The following TNC variants were observed in gnomAD, a reference collection of about 807,000 sequenced individuals.
TNC encodes the protein tenascin.
A neutral mutation model predicts 202.4 loss-of-function variants in TNC; 109 were observed. That is an observed-to-expected ratio of 0.54 (90% CI 0.46 to 0.63). The LOEUF (loss-of-function observed/expected upper bound fraction) is 0.63. Among genes scored for constraint, TNC ranks in the 30% least tolerant of loss-of-function variants. The probability of loss-of-function intolerance (pLI) is 0.00; values close to 1 mark genes in which losing one functional copy is unlikely to be tolerated. For synonymous variants in TNC, 1,007 were observed against 1,089.7 expected, an observed-to-expected ratio of 0.92 and a Z score of 1.50; for missense variants, 2,756 against 2,833.3, an observed-to-expected ratio of 0.97 and a Z score of 0.62.
rs145086096 is a variant in TNC, at chr9:115,086,389, G to A, written c.1342C>T (p.Arg448Cys). The A allele has an allele frequency of 9.3e-6, 15 of 1,613,976 alleles. No individual in the cohort carries two copies. The highest frequency in any genetic ancestry group is 1.1e-5 in the South Asian group (1 of 91,088). The change falls in exon 3 of 28, where the codon CGC becomes TGC. Residue 448 changes from arginine to cysteine, a missense_variant. Arg to Cys is a radical substitution (Grantham distance 180, BLOSUM62 -3). Around this residue, in one of 2 missense-constraint regions of TNC, gnomAD observed 2,559 missense variants for 2,546.0 expected, o/e 1.01. Transcript: ENST00000350763. Reference protein sequence around the residue: ...RCPNDCHSRGRCVEGKCVCEQ... With the variant: ...RCPNDCHSRGCCVEGKCVCEQ... ...CATACACATTTGCCCTCGACACAGC[G>A]GCCCCGACTGTGACAGTCATTGGGG...
At chr9:115,105,050 T>C (rs1377496704) in intron 1 of TNC, among the ~76,000 whole-genome samples, 1 of 152,202 alleles carries the variant, frequency 6.6e-6, no homozygotes, top group African/African-American at 2.4e-5. Flanking sequence ...GGAATCCTGC[T>C]TGAGTGGGAT....
chr9:115,070,327 G>T (rs992366291), intron 10 of TNC, among the ~76,000 whole-genome samples: 1 of 152,128 alleles, frequency 6.6e-6, no homozygotes, highest in South Asian at 2.1e-4. Context: ...GGAAAAGAGT[G>T]GTATCCAGGG....
Position 115,031,641 on chromosome 9 carries a change from G to A in TNC, c.5832C>T (p.Asp1944=). Residue 1944 remains aspartate, a synonymous_variant, in exon 23 of 28, where the codon GAC becomes GAT. Coordinates refer to ENST00000350763, the MANE Select transcript of TNC (RefSeq NM_002160.4). Reference sequence around the variant, plus strand: ...CTGTGTAGTGGGTGGATGGGCTCAGGTCTGCCAGGCTGTAGGAGGTGGTAT... The same window carrying A: ...CTGTGTAGTGGGTGGATGGGCTCAGATCTGCCAGGCTGTAGGAGGTGGTAT... ...GPDTTSYSLA[D]LSPSTHYTAK... 6.2e-7 allele frequency: 1 copy of A among 1,612,538 alleles called. No homozygotes were observed. Among genetic ancestry groups the A allele is most frequent in the Non-Finnish European group, 8.5e-7 (1 of 1,179,304 alleles).
chr9:115,086,608 T>C lies in TNC; in HGVS notation c.1123A>G (p.Lys375Glu), dbSNP rs1475978339. 4.3e-6 allele frequency: 7 copies of C among 1,613,782 alleles called. No individual in the cohort carries two copies. The African/African-American group carries it at 8.0e-5, about 18-fold the overall frequency. Residue 375 changes from lysine to glutamate, a missense_variant, in exon 3 of 28, where the codon AAG becomes GAG. Around this residue, in one of 2 missense-constraint regions of TNC, gnomAD observed 2,559 missense variants for 2,546.0 expected, o/e 1.01. Transcript: ENST00000350763. Reference protein sequence around the residue: ...EGFAGVDCSEKRCPADCHNRG... With the variant: ...EGFAGVDCSEERCPADCHNRG... Reference sequence around the variant, plus strand: ...TTGTGACAGTCAGCAGGACACCTCTTCTCGCTGCAGTCCACACCGGCAAAG... The same window carrying C: ...TTGTGACAGTCAGCAGGACACCTCTCCTCGCTGCAGTCCACACCGGCAAAG...
chr9:115,021,069 G>T lies in TNC; in HGVS notation c.*88C>A. ...CTCACCAAATGCCCAGGTGTGGACC[G>T]ATGGTTGGGCTGGTTGTATTGATGC... is the stretch of plus-strand genomic sequence containing the variant. On this transcript the variant is annotated 3_prime_UTR_variant, in exon 28 of 28. Coordinates refer to ENST00000350763, the MANE Select transcript of TNC (RefSeq NM_002160.4). The T allele has an allele frequency of 8.9e-7, 1 of 1,128,420 alleles. No homozygotes were observed. The highest frequency in any genetic ancestry group is 1.3e-6 in the Non-Finnish European group (1 of 763,874). The allele number at this position is 1,128,420 out of a possible 1,614,324, so 69.9% of individuals were successfully genotyped here. A position where few individuals can be genotyped will look rare whatever the true frequency, so the allele number is the denominator to read the frequency against.
At chr9:115,095,596 G>A (rs867360556) in intron 1 of TNC, among the ~76,000 whole-genome samples, 22 of 1,758 alleles carry the variant, frequency 0.013, 1 homozygote, top group African/African-American at 0.034. Flanking sequence ...GTATATATAT[G>A]TATATATATA....
chr9:115,084,678 T>G lies in TNC; in HGVS notation c.1868-206A>C, dbSNP rs985101939. Among the ~76,000 whole-genome samples the G allele has an allele frequency of 1.4e-4, 22 of 152,212 alleles. 1 individual carries two copies. The highest frequency in any genetic ancestry group is 1.2e-4 in the Non-Finnish European group (8 of 68,042). ...GTTCCTTAGTCCATTTCCTTCAGGC[T>G]GGAGTCCCAGGTCAGCAGTGTGCCC... On this transcript the variant is annotated intron_variant, in intron 3 of 27. Transcript: ENST00000350763.
intron 26 of TNC, among the ~76,000 whole-genome samples, chr9:115,026,278 T>C (rs1223884806): frequency 6.6e-6 from 1 of 152,198 alleles, no homozygotes; most frequent in Non-Finnish European, 1.5e-5. Flanking sequence ...AGACACACTT[T>C]TTTTGAAAGA....
At chr9:115,054,724 C>T (rs1202762398) in intron 15 of TNC, among the ~76,000 whole-genome samples, 2 of 152,184 alleles carry the variant, frequency 1.3e-5, no homozygotes, top group African/African-American at 4.8e-5. Flanking sequence ...TTTAAACCTT[C>T]TGAAATGACT....
At chr9:115,045,992 T>G (rs1461566947) in intron 17 of TNC, among the ~76,000 whole-genome samples, 1 of 151,946 alleles carries the variant, frequency 6.6e-6, no homozygotes, top group Non-Finnish European at 1.5e-5. Flanking sequence ...GAAGTGTATC[T>G]CTGGATAAAA....
At chr9:115,031,475 A>G in intron 23 of TNC, 78 bp downstream of exon 23, 1 of 1,374,736 alleles carries the variant, frequency 7.3e-7, no homozygotes, top group Non-Finnish European at 9.5e-7. Context: ...ATTTTAAAGT[A>G]GAAGTCAAAG....
rs766678704 is a variant in TNC at position 115,111,385 on chromosome 9, T to TTCTCTC, written c.-137+6591_-137+6596dup. Among the ~76,000 whole-genome samples the TTCTCTC allele has an allele frequency of 2.9e-5, 4 of 135,940 alleles. No homozygotes were observed. In the South Asian group the frequency reaches 7.5e-4, roughly 25 times the overall value. The allele number at this position is 135,940 out of a possible 152,430, so 89.2% of individuals were successfully genotyped here. A position where few individuals can be genotyped will look rare whatever the true frequency, so the allele number is the denominator to read the frequency against. On this transcript the variant is annotated intron_variant, in intron 1 of 27. Coordinates refer to ENST00000350763, the MANE Select transcript of TNC (RefSeq NM_002160.4). The stretch of plus-strand genomic sequence containing the variant: ...GTGATGTGCCTCTTGCTTATAGACT[T>TTCTCTC]TCTCTCTCTCTCTCTTTTTTTTTTT...
intron 17 of TNC, among the ~76,000 whole-genome samples, chr9:115,045,541 A>ATT (rs61415443): frequency 0.013 from 1,415 of 110,108 alleles, 100 homozygotes; most frequent in East Asian, 0.08. Flanking sequence ...TAAGTTTTTG[A>ATT]TTTTTTTTTT....
At chr9:115,078,349 A>C in intron 6 of TNC, 137 bp from the exon 7 acceptor site, 1 of 1,033,858 alleles carries the variant, frequency 9.7e-7, no homozygotes, top group Non-Finnish European at 1.3e-6. Flanking sequence ...TGCCTTTCTG[A>C]ACCTTAGTTT....
chr9:115,099,077 C>A (rs1014744642), intron 1 of TNC, among the ~76,000 whole-genome samples: 19 of 151,512 alleles, frequency 1.3e-4, no homozygotes, highest in African/African-American at 4.6e-4. Flanking sequence ...TTGAAGAATT[C>A]CAGAACTGAG....
At chr9:115,063,722 G>T (rs1832722653) in intron 12 of TNC, 74 bp downstream of exon 12, 2 of 1,509,104 alleles carry the variant, frequency 1.3e-6, no homozygotes, top group African/African-American at 1.4e-5. Flanking sequence ...CCAGTTTAAA[G>T]CAAGAAAGTG....
intron 26 of TNC, 145 bp from the exon 27 acceptor site, chr9:115,024,281 G>A: frequency 1.3e-6 from 1 of 780,026 alleles, no homozygotes; most frequent in Non-Finnish European, 2.1e-6. Context: ...AGCATTGAAT[G>A]CGGAACTGAA....
chr9:115,109,123 C>G (rs1588238610), intron 1 of TNC, among the ~76,000 whole-genome samples: 1 of 152,196 alleles, frequency 6.6e-6, no homozygotes, highest in Admixed American at 6.5e-5. Context: ...GGCCACAAAA[C>G]CCTTTTTTAG....
In TNC at chr9:115,082,751, C is replaced by T. The variant is rs779601654; in HGVS notation, c.2188G>A (p.Val730Met). The T allele has an allele frequency of 3.1e-6, 5 of 1,614,210 alleles. No individual in the cohort carries two copies. The highest frequency in any genetic ancestry group is 4.2e-6 in the Non-Finnish European group (5 of 1,180,030). The change falls in exon 5 of 28, where the codon GTG becomes ATG. Residue 730 changes from valine (V) to methionine (M), a missense_variant. Around this residue, in one of 2 missense-constraint regions of TNC, gnomAD observed 2,559 missense variants for 2,546.0 expected, o/e 1.01. Coordinates refer to ENST00000350763, the MANE Select transcript of TNC (RefSeq NM_002160.4). ...GCAATGTCTAGAGGATCCCACTCCA[C>T]TTCCACAGATGTCTCCTTGATGGAC... ...FKSIKETSVE[V>M]EWDPLDIAFE... is the part of the protein sequence containing the mutation.
Sources: gnomAD v4.1 joint callset for allele counts (sites outside exome capture counted in the v4.1 genomes callset) on GRCh38, gnomAD v4.1.1 for gene constraint, gnomAD v4.1.1 regional missense constraint, MANE v1.5 for transcripts, NCBI Gene and HGNC (gene_info 2026-07-23, HGNC 2026-07-21) for gene names.